USP40: variants seen among roughly 807,000 people sequenced by gnomAD.
The protein encoded by USP40 is ubiquitin specific peptidase 40.
In USP40, 143 loss-of-function variants were observed where a neutral mutation model predicts 166.2. That is an observed-to-expected ratio of 0.86 (90% CI 0.75 to 0.99). The LOEUF (loss-of-function observed/expected upper bound fraction) is 0.99, where lower values mean the gene tolerates loss of function less well. Among genes scored for constraint, USP40 ranks in the 50% least tolerant of loss-of-function variants. USP40 has a pLI of 0.00. For synonymous variants in USP40, 498 were observed against 524.0 expected, an observed-to-expected ratio of 0.95 and a Z score of 0.68; for missense variants, 1,444 against 1,479.7, an observed-to-expected ratio of 0.98 and a Z score of 0.40.
At chr2:233,477,903 C>A (rs2064275770) in intron 31 of USP40, among the ~76,000 whole-genome samples, 1 of 152,256 alleles carries the variant, frequency 6.6e-6, no homozygotes, top group African/African-American at 2.4e-5. Flanking sequence ...TGCCTCTGCC[C>A]CTTCAGTCTT....
intron 15 of USP40, 37 bp downstream of exon 15, chr2:233,524,455 A>G: frequency 1.3e-6 from 2 of 1,580,394 alleles, no homozygotes; most frequent in Non-Finnish European, 1.7e-6. Flanking sequence ...AAAACATCCA[A>G]AATTATCACG....
chr2:233,524,568 A>C lies in USP40; in HGVS notation c.1811-6T>G. The C allele has an allele frequency of 2.5e-6, 4 of 1,591,124 alleles. No homozygotes were observed. The highest frequency in any genetic ancestry group is 3.4e-6 in the Non-Finnish European group (4 of 1,169,326). On this transcript the variant is annotated splice_polypyrimidine_tract_variant and splice_region_variant and intron_variant, in intron 14 of 31. Transcript: ENST00000678225. ...ACACAGTGTCAGTTCATCCCCTAGA[A>C]AGAGATCACCAGTGAGACCATTCAT...
intron 13 of USP40, among the ~76,000 whole-genome samples, chr2:233,526,045 T>C (rs2068002060): frequency 6.6e-6 from 1 of 152,206 alleles, no homozygotes; most frequent in Admixed American, 6.5e-5. Flanking sequence ...TAGATTACCA[T>C]GGCTTTGCTC....
At position 233,498,620 on chromosome 2, in the gene USP40, G is replaced by A. The variant is rs1477334860; in HGVS notation, c.2651-8C>T. 1 of 1,611,994 alleles carries A rather than the reference G, an allele frequency of 6.2e-7. No homozygotes were observed. Among genetic ancestry groups the A allele is most frequent in the Non-Finnish European group, 8.5e-7 (1 of 1,179,100 alleles). ...GTAAATGCCAGGCATCTCCTATAAAGGAGTCAAAATTGGGATAAAAAAAAT... is the reference window on the plus strand; with the variant it reads ...GTAAATGCCAGGCATCTCCTATAAAAGAGTCAAAATTGGGATAAAAAAAAT... On this transcript the variant is annotated splice_region_variant and splice_polypyrimidine_tract_variant and intron_variant, in intron 22 of 31. Transcript: ENST00000678225.
chr2:233,540,297 C>A (rs10208361), intron 10 of USP40, among the ~76,000 whole-genome samples: 120,398 of 152,080 alleles, frequency 0.79, 47,740 homozygotes, highest in East Asian at 0.87. Context: ...CAAGTTTATG[C>A]CAATAAATTT....
In USP40 at chr2:233,501,474, T is replaced by C. The variant is rs750692180; in HGVS notation, c.2614-1559A>G. 1.7e-3 allele frequency among the ~76,000 whole-genome samples: 261 copies of C among 152,314 alleles called. 4 individuals are homozygous for C. Among genetic ancestry groups the C allele is most frequent in the Non-Finnish European group, 5.4e-4 (37 of 68,018 alleles). On this transcript the variant is annotated intron_variant, in intron 21 of 31. Transcript: ENST00000678225. ...TTTTAAAGGATCACTCAACTTTTTA[T>C]AAGAACAGACCCTGGGAAGTGCAAG...
At chr2:233,512,534 T>A (rs1178427725) in intron 19 of USP40, 35 bp downstream of exon 19, 2 of 1,502,770 alleles carry the variant, frequency 1.3e-6, no homozygotes, top group Non-Finnish European at 1.8e-6. Flanking sequence ...CAGACGAGTA[T>A]AAGCCACCTT....
intron 17 of USP40, 70 bp from the exon 18 acceptor site, chr2:233,519,741 T>C (rs2067523524): frequency 1.2e-6 from 1 of 866,854 alleles, no homozygotes; most frequent in Non-Finnish European, 1.8e-6. Context: ...GGATTGTCAC[T>C]GTGTGCATAA....
At chr2:233,510,853 A>T (rs763705927) in intron 20 of USP40, among the ~76,000 whole-genome samples, 1 of 152,142 alleles carries the variant, frequency 6.6e-6, no homozygotes, top group Non-Finnish European at 1.5e-5. Flanking sequence ...TTCAAATATT[A>T]CAATTCTCAA....
At chr2:233,479,435 C>T (rs1283108979) in intron 31 of USP40, among the ~76,000 whole-genome samples, 8 of 151,944 alleles carry the variant, frequency 5.3e-5, no homozygotes, top group African/African-American at 1.5e-4. Flanking sequence ...TAGTGGTGCA[C>T]GCCTGTAGTA....
chr2:233,550,608 G>A (rs918033803), intron 7 of USP40, among the ~76,000 whole-genome samples: 1 of 151,860 alleles, frequency 6.6e-6, no homozygotes, highest in African/African-American at 2.4e-5. Context: ...TTTTTACACA[G>A]AAACTCAATA....
chr2:233,486,033 T>G lies in USP40; in HGVS notation c.3198-56A>C. ...CAAACAAACAAACAAAACCACGTGG[T>G]AACTTGAGGCATAATGGGCAAAGCT... On this transcript the variant is annotated intron_variant, in intron 28 of 31. Transcript: ENST00000678225. The surrounding 1 kb of genome is among the most constrained non-coding windows in gnomAD (Gnocchi z 4.0). 3.8e-4 allele frequency: 536 copies of G among 1,403,950 alleles called. No individual in the cohort carries two copies. Among genetic ancestry groups the G allele is most frequent in the Middle Eastern group, 4.9e-4 (2 of 4,082 alleles). The allele number at this position is 1,403,950 out of a possible 1,614,324, so 87.0% of individuals were successfully genotyped here.
intron 3 of USP40, chr2:233,561,106 A>T: frequency 2.6e-6 from 4 of 1,527,988 alleles, no homozygotes; most frequent in Non-Finnish European, 3.5e-6. Flanking sequence ...TTCCTTCTTT[A>T]AAAAAAATTT....
chr2:233,494,915 C>CATTTATTTATAT (rs1265219527), intron 24 of USP40, among the ~76,000 whole-genome samples: 1 of 11,370 alleles, frequency 8.8e-5, no homozygotes, highest in African/African-American at 3.0e-4. Context: ...AGCAAAATGG[C>CATTTATTTATAT]ATATATATAT....
At chr2:233,559,115 T>G (rs2071353599) in intron 4 of USP40, among the ~76,000 whole-genome samples, 1 of 152,234 alleles carries the variant, frequency 6.6e-6, no homozygotes, top group African/African-American at 2.4e-5. Context: ...TTGTTTGGAT[T>G]TGTATAGCTA....
chr2:233,517,379 GTTTTTTGT>G (rs773031044), intron 18 of USP40, among the ~76,000 whole-genome samples: 3 of 137,142 alleles, frequency 2.2e-5, no homozygotes, highest in Non-Finnish European at 3.1e-5. Flanking sequence ...CACATGCATG[GTTTTTTGT>G]TTTTTTTTTT....
chr2:233,542,840 C>T (rs10929208), intron 8 of USP40, among the ~76,000 whole-genome samples: 122,405 of 152,158 alleles, frequency 0.8, 49,398 homozygotes, highest in East Asian at 0.96. Flanking sequence ...ATTGGGAATA[C>T]GAAACAAGTA....
intron 4 of USP40, among the ~76,000 whole-genome samples, chr2:233,559,350 A>G (rs1165082948): frequency 1.3e-5 from 2 of 152,248 alleles, no homozygotes; most frequent in Non-Finnish European, 1.5e-5. Flanking sequence ...CAAACCTTCA[A>G]ATCAGAACAT....
chr2:233,566,663 C>T, intron 1 of USP40, 21 bp downstream of exon 1: 2 of 985,436 alleles, frequency 2.0e-6, no homozygotes, highest in Non-Finnish European at 2.4e-6. Flanking sequence ...CCCAGGATCC[C>T]CGGGCGCCAG....
Sources: allele counts gnomAD v4.1 joint callset (sites outside exome capture counted in the v4.1 genomes callset), GRCh38; gene constraint gnomAD v4.1.1; non-coding constraint Gnocchi (gnomAD v3.1); transcripts MANE v1.5; gene names NCBI Gene and HGNC (gene_info 2026-07-23, HGNC 2026-07-21).